Variants in FBN2 observed in about 807,000 individuals in gnomAD.
The protein encoded by FBN2 is fibrillin 2, also known as fibrillin-2.
Under a neutral mutation model 355.6 loss-of-function variants are expected in FBN2, and 105 were observed. That is an observed-to-expected ratio of 0.30 (90% confidence interval 0.25 to 0.35). The LOEUF (loss-of-function observed/expected upper bound fraction) is 0.35, where lower values mean the gene tolerates loss of function less well. Among genes scored for constraint, FBN2 ranks in the 10% least tolerant of loss-of-function variants. FBN2 has a pLI of 1.00. For synonymous variants in FBN2, 1,350 were observed against 1,301.2 expected (o/e 1.04, Z -0.81); for missense variants, 3,280 against 3,758.7 (o/e 0.87, Z 3.33).
Position 128,366,387 on chromosome 5 carries a change from C to G in FBN2, c.2292G>C (p.Val764=). 1 of 1,594,376 alleles carries G rather than the reference C, an allele frequency of 6.3e-7. No homozygotes were observed. The highest frequency in any genetic ancestry group is 8.6e-7 in the Non-Finnish European group (1 of 1,163,944). ...GLCSSGVGIT[V]DGRDINECAL... is the part of the protein sequence containing the mutation. ...ATTAACTAGAGTTACCTCTTCCATC[C>G]ACAGTGATACCTACTCCACTACTAC... Residue 764 remains valine, a synonymous_variant, in exon 17 of 65, where the codon GTG becomes GTC. Coordinates refer to ENST00000262464, the MANE Select transcript of FBN2 (RefSeq NM_001999.4).
intron 6 of FBN2, among the ~76,000 whole-genome samples, chr5:128,455,898 C>A (rs565177711): frequency 6.8e-6 from 1 of 147,306 alleles, no homozygotes; most frequent in Non-Finnish European, 1.5e-5. Flanking sequence ...TCTGCTTAAG[C>A]CTATGGAGCC....
intron 9 of FBN2, 103 bp downstream of exon 9, chr5:128,395,019 C>A: frequency 7.5e-7 from 1 of 1,329,964 alleles, no homozygotes; most frequent in East Asian, 2.3e-5. Flanking sequence ...CTTCTGGACT[C>A]AAGCAATCCA....
At chr5:128,479,389 A>AT (rs1755092759) in intron 5 of FBN2, among the ~76,000 whole-genome samples, 1 of 152,214 alleles carries the variant, frequency 6.6e-6, no homozygotes, top group African/African-American at 2.4e-5. Flanking sequence ...ATGCATATAC[A>AT]TATGTATATA....
Position 128,491,175 on chromosome 5 carries a change from G to C in FBN2, c.629-26254C>G, listed in dbSNP as rs139864403. ...AAAAAGGAAAGGACTTCTTTTTCAA[G>C]TTACAATTAAGAAAGAACACACACA... On this transcript the variant is annotated intron_variant, in intron 5 of 64. Transcript: ENST00000262464. Among the ~76,000 whole-genome samples, 577 of 152,272 alleles carry C rather than the reference G, an allele frequency of 3.8e-3. 1 individual carries two copies. The highest frequency in any genetic ancestry group is 6.4e-3 in the Non-Finnish European group (436 of 68,012).
At chr5:128,421,559 G>A (rs563382711) in intron 7 of FBN2, among the ~76,000 whole-genome samples, 4 of 152,254 alleles carry the variant, frequency 2.6e-5, no homozygotes, top group African/African-American at 9.6e-5. Context: ...ACTGTCTAGA[G>A]TAAGTCTTTG....
intron 20 of FBN2, among the ~76,000 whole-genome samples, chr5:128,354,671 C>T (rs1317712780): frequency 6.6e-6 from 1 of 152,122 alleles, no homozygotes; most frequent in Admixed American, 6.5e-5. Flanking sequence ...AATAGGTTTG[C>T]TGATGACTTT....
Position 128,261,919 on chromosome 5 carries a change from A to G in FBN2, c.8193-12T>C. 1 of 1,612,594 alleles carries G rather than the reference A, an allele frequency of 6.2e-7. No individual in the cohort carries two copies. Among genetic ancestry groups the G allele is most frequent in the Non-Finnish European group, 8.5e-7 (1 of 1,178,564 alleles). ...CTGAGACACAGTGGCTATTTGCAAA[A>G]AGCAAAGTATTGTTAGACTTTATCA... On this transcript the variant is annotated splice_polypyrimidine_tract_variant and intron_variant, in intron 63 of 64. Coordinates refer to ENST00000262464, the MANE Select transcript of FBN2 (RefSeq NM_001999.4).
At chr5:128,443,742 G>C (rs1753984566) in intron 7 of FBN2, among the ~76,000 whole-genome samples, 1 of 152,136 alleles carries the variant, frequency 6.6e-6, no homozygotes, top group Non-Finnish European at 1.5e-5. Flanking sequence ...CATGAAATGT[G>C]CTACTGTAAA....
intron 48 of FBN2, among the ~76,000 whole-genome samples, chr5:128,293,572 G>A (rs1053785620): frequency 3.9e-5 from 6 of 152,028 alleles, no homozygotes; most frequent in South Asian, 4.2e-4. Context: ...GAAGGAAAAC[G>A]AAATATTTCT....
chr5:128,269,860 G>C (rs540226712), intron 62 of FBN2, among the ~76,000 whole-genome samples: 2 of 151,856 alleles, frequency 1.3e-5, no homozygotes, highest in African/African-American at 4.8e-5. Context: ...ATTTCATATG[G>C]AACCAAAGAA....
At chr5:128,262,893 G>A (rs562421377) in intron 63 of FBN2, among the ~76,000 whole-genome samples, 5 of 152,262 alleles carry the variant, frequency 3.3e-5, no homozygotes, top group African/African-American at 9.6e-5. Context: ...CTAGTTGGAG[G>A]GAAGCCTGTC....
chr5:128,464,676 A>G (rs769121788), intron 6 of FBN2, 48 bp downstream of exon 6: 7 of 1,589,390 alleles, frequency 4.4e-6, no homozygotes, highest in Admixed American at 3.3e-5. Context: ...CAACAAAAAG[A>G]GAAGTGGCAG....
At chr5:128,455,990 C>CATAAAAAAAAAAAAA (rs1754375950) in intron 6 of FBN2, among the ~76,000 whole-genome samples, 1 of 25,272 alleles carries the variant, frequency 4.0e-5, no homozygotes. Flanking sequence ...GGGTTAGCAA[C>CATAAAAAAAAAAAAA]AAAAAAAAAA....
intron 46 of FBN2, 45 bp from the exon 47 acceptor site, chr5:128,301,555 T>A (rs776777019): frequency 1.9e-6 from 3 of 1,590,180 alleles, no homozygotes; most frequent in Non-Finnish European, 2.6e-6. Context: ...GCTCTTAACA[T>A]GTATATTGTT....
At chr5:128,453,991 C>A (rs558457065) in intron 6 of FBN2, among the ~76,000 whole-genome samples, 5 of 121,414 alleles carry the variant, frequency 4.1e-5, no homozygotes, top group Non-Finnish European at 7.2e-5. Flanking sequence ...AAATGGCTTG[C>A]CCCCCCCCCA....
intron 58 of FBN2, among the ~76,000 whole-genome samples, chr5:128,277,267 G>T (rs1765417921): frequency 6.6e-6 from 1 of 152,084 alleles, no homozygotes; most frequent in Non-Finnish European, 1.5e-5. Flanking sequence ...AGTCCTTTCT[G>T]CCCCACGACT....
chr5:128,305,090 AG>A lies in FBN2; in HGVS notation c.5675-9del, dbSNP rs112666443. ...CTAAACATTCATTGCGATCTAAAAC[AG>A]AAAAAAATAAATGTTACATGTATCT... On this transcript the variant is annotated splice_polypyrimidine_tract_variant and intron_variant, in intron 44 of 64. Transcript: ENST00000262464. 8.9e-3 allele frequency: 13,995 copies of A among 1,569,628 alleles called. 1,052 individuals carry two copies. The African/African-American group carries it at 0.16, about 18-fold the overall frequency.
intron 7 of FBN2, among the ~76,000 whole-genome samples, chr5:128,423,892 G>A (rs1753417993): frequency 6.6e-6 from 1 of 152,160 alleles, no homozygotes; most frequent in Non-Finnish European, 1.5e-5. Flanking sequence ...AGGCAGGAAA[G>A]TGGATGAATT....
chr5:128,315,825 C>G (rs1259261042), intron 36 of FBN2, among the ~76,000 whole-genome samples: 1 of 152,178 alleles, frequency 6.6e-6, no homozygotes, highest in Non-Finnish European at 1.5e-5. Flanking sequence ...GATGAGAATA[C>G]TGTATTTCCT....
Sources: allele counts gnomAD v4.1 joint callset (sites outside exome capture counted in the v4.1 genomes callset), GRCh38; gene constraint gnomAD v4.1.1; transcripts MANE v1.5; gene names NCBI Gene and HGNC (gene_info 2026-07-23, HGNC 2026-07-21).